The following RBM20 variants were observed in gnomAD, a reference collection of about 807,000 sequenced individuals.
RBM20 encodes the protein RNA binding motif protein 20.
In RBM20, 51 loss-of-function variants were observed where a neutral mutation model predicts 110.1. The ratio of observed to expected loss-of-function variants is 0.46; its 90% CI spans 0.37 to 0.59. RBM20 has a LOEUF of 0.59. RBM20 is among the 20% of genes least tolerant of loss of function. RBM20 has a pLI of 0.00. For synonymous variants in RBM20, 589 were observed against 618.2 expected, an observed-to-expected ratio of 0.95 and a Z score of 0.70; for missense variants, 1,512 against 1,574.9, an observed-to-expected ratio of 0.96 and a Z score of 0.68.
At chr10:110,758,198 T>C (rs1233951554) in intron 1 of RBM20, among the ~76,000 whole-genome samples, 1 of 151,598 alleles carries the variant, frequency 6.6e-6, no homozygotes, top group African/African-American at 2.4e-5. Context: ...TTTGTATTTT[T>C]TGTAGAGATG....
chr10:110,671,203 A>G (rs1479783182), intron 1 of RBM20, among the ~76,000 whole-genome samples: 1 of 152,160 alleles, frequency 6.6e-6, no homozygotes, highest in Non-Finnish European at 1.5e-5. Context: ...GACTTACCCA[A>G]AGTTATTATT....
Position 110,782,032 on chromosome 10 carries a change from T to C in RBM20, c.1275+148T>C, listed in dbSNP as rs145968231. 1,970 of 932,018 alleles carry C rather than the reference T, an allele frequency of 2.1e-3. 23 individuals carry two copies. The African/African-American group carries it at 0.028, about 13-fold the overall frequency. 57.7% of individuals were successfully genotyped at this position (932,018 alleles called of 1,614,324 possible). On this transcript the variant is annotated intron_variant, in intron 2 of 13. Coordinates refer to ENST00000369519, the MANE Select transcript of RBM20 (RefSeq NM_001134363.3). ...CAGTATTCTTGACTAAAATCACAGG[T>C]ATTAGGACCCATAGGAATTTCAGAA...
intron 1 of RBM20, among the ~76,000 whole-genome samples, chr10:110,754,438 C>T (rs2134991397): frequency 1.3e-5 from 2 of 152,050 alleles, no homozygotes; most frequent in South Asian, 4.2e-4. Flanking sequence ...CATTCCCATC[C>T]CCATTGTCCT....
rs563396319 is a variant in RBM20 at position 110,837,709 on chromosome 10, T to C, written c.*1731T>C. ...AACTGAGGCACACAAAGGGAACAAA[T>C]GAAGAACATAAAATGATCAGTGTAA... On this transcript the variant is annotated 3_prime_UTR_variant, in exon 14 of 14. Coordinates refer to ENST00000369519, the MANE Select transcript of RBM20 (RefSeq NM_001134363.3). 6.6e-6 allele frequency: 1 copy of C among 152,124 alleles called. No homozygotes were observed. Among genetic ancestry groups the C allele is most frequent in the Non-Finnish European group, 1.5e-5 (1 of 68,044 alleles). 9.4% of individuals were successfully genotyped at this position (152,124 alleles called of 1,614,324 possible). A position where few individuals can be genotyped will look rare whatever the true frequency, so the allele number is the denominator to read the frequency against.
At chr10:110,671,812 A>G (rs1382489750) in intron 1 of RBM20, among the ~76,000 whole-genome samples, 3 of 152,092 alleles carry the variant, frequency 2.0e-5, no homozygotes, top group Non-Finnish European at 4.4e-5. Flanking sequence ...AAATCTCTTT[A>G]TTGGTAAAGA....
chr10:110,672,789 A>G (rs937677907), intron 1 of RBM20, among the ~76,000 whole-genome samples: 2 of 152,224 alleles, frequency 1.3e-5, no homozygotes, highest in Non-Finnish European at 2.9e-5. Context: ...CTTGACACAT[A>G]CTTAGTATAG....
At chr10:110,790,355 G>T (rs1844469039) in intron 5 of RBM20, among the ~76,000 whole-genome samples, 1 of 152,198 alleles carries the variant, frequency 6.6e-6, no homozygotes. Flanking sequence ...TCCAGCAAGG[G>T]CCACCTTGTG....
chr10:110,816,985 A>C (rs1352165584), intron 9 of RBM20, among the ~76,000 whole-genome samples: 1 of 152,228 alleles, frequency 6.6e-6, no homozygotes, highest in Non-Finnish European at 1.5e-5. Flanking sequence ...ATGGGTGGCC[A>C]CGTCCATACC....
intron 7 of RBM20, among the ~76,000 whole-genome samples, 155 bp from the exon 8 acceptor site, chr10:110,810,228 C>T (rs1844747083): frequency 6.6e-6 from 1 of 152,218 alleles, no homozygotes; most frequent in African/African-American, 2.4e-5. Flanking sequence ...ATTATACTCA[C>T]ACTCATCCGT....
chr10:110,819,849 G>A (rs1844885682), intron 9 of RBM20, among the ~76,000 whole-genome samples: 1 of 152,202 alleles, frequency 6.6e-6, no homozygotes, highest in Non-Finnish European at 1.5e-5. Context: ...ATTTGTCTGT[G>A]TGACTGTGAG....
chr10:110,653,273 T>C (rs1020742673), intron 1 of RBM20, among the ~76,000 whole-genome samples: 1 of 152,238 alleles, frequency 6.6e-6, no homozygotes, highest in Non-Finnish European at 1.5e-5. Context: ...CCCACTCTGC[T>C]TCAAATTTGT....
At chr10:110,801,602 T>G (rs1276418085) in intron 7 of RBM20, among the ~76,000 whole-genome samples, 1 of 152,008 alleles carries the variant, frequency 6.6e-6, no homozygotes, top group Admixed American at 6.6e-5. Context: ...TGGTGCAATT[T>G]TGGCTCACTG....
chr10:110,779,918 G>A (rs1844315005), intron 1 of RBM20, among the ~76,000 whole-genome samples: 1 of 152,224 alleles, frequency 6.6e-6, no homozygotes. Flanking sequence ...TCACTCTGTA[G>A]GCAATTGTTA....
intron 7 of RBM20, among the ~76,000 whole-genome samples, chr10:110,807,448 G>A (rs1844708584): frequency 6.6e-6 from 1 of 152,238 alleles, no homozygotes; most frequent in South Asian, 2.1e-4. Context: ...CATCTGCAGT[G>A]TCTGATCAGC....
At chr10:110,827,152 C>T (rs10885052) in intron 12 of RBM20, among the ~76,000 whole-genome samples, 83,831 of 151,870 alleles carry the variant, frequency 0.55, 23,346 homozygotes, top group Admixed American at 0.64. Context: ...ACATAGCAAA[C>T]GCAGGTTAGA....
At chr10:110,705,803 G>A (rs1862828844) in intron 1 of RBM20, among the ~76,000 whole-genome samples, 1 of 152,158 alleles carries the variant, frequency 6.6e-6, no homozygotes, top group Non-Finnish European at 1.5e-5. Context: ...ACGCTTGGCC[G>A]GATGCAGTGG....
intron 1 of RBM20, among the ~76,000 whole-genome samples, chr10:110,755,460 G>C (rs1250006654): frequency 6.6e-6 from 1 of 152,136 alleles, no homozygotes; most frequent in Non-Finnish European, 1.5e-5. Context: ...TTAGCTGAGG[G>C]CTCATCCAAT....
rs1448807103 is a variant in RBM20 at position 110,812,897 on chromosome 10, G to T, written c.2500G>T (p.Asp834Tyr). Reference sequence around the variant, plus strand: ...AAATAAAACCAAGAGAACTGATAGAGACCAAGAAGGAGCTGATGATAGAAA... The same window carrying T: ...AAATAAAACCAAGAGAACTGATAGATACCAAGAAGGAGCTGATGATAGAAA... ...EKNKTKRTDR[D>Y]QEGADDRKEN... The change falls in exon 9 of 14, where the codon GAC becomes TAC. Residue 834 changes from aspartate (D) to tyrosine (Y), a missense_variant. Asp to Tyr is a radical substitution (Grantham distance 160, BLOSUM62 -3). Coordinates refer to ENST00000369519, the MANE Select transcript of RBM20 (RefSeq NM_001134363.3). The T allele has an allele frequency of 8.9e-6, 13 of 1,459,504 alleles. No homozygotes were observed. The highest frequency in any genetic ancestry group is 1.2e-5 in the Non-Finnish European group (13 of 1,105,496). 90.4% of individuals were successfully genotyped at this position (1,459,504 alleles called of 1,614,324 possible).
chr10:110,647,262 T>C (rs537779708), intron 1 of RBM20, among the ~76,000 whole-genome samples: 1 of 152,346 alleles, frequency 6.6e-6, no homozygotes, highest in East Asian at 1.9e-4. Context: ...TGATGACTAA[T>C]AATGAGACTG....
Sources: gnomAD v4.1 joint callset for allele counts (sites outside exome capture counted in the v4.1 genomes callset) on GRCh38, gnomAD v4.1.1 for gene constraint, MANE v1.5 for transcripts, NCBI Gene and HGNC (gene_info 2026-07-23, HGNC 2026-07-21) for gene names.